The following NLGN1 variants were observed in gnomAD, a reference collection of about 807,000 sequenced individuals.
The protein encoded by NLGN1 is neuroligin 1.
In NLGN1, 12 loss-of-function variants were observed where a neutral mutation model predicts 65.5. The ratio of observed to expected loss-of-function variants is 0.18; its 90% CI spans 0.12 to 0.30. NLGN1 has a LOEUF of 0.30. Ranked by LOEUF, NLGN1 falls within the 10% of genes least tolerant of loss-of-function variation. NLGN1 has a pLI of 1.00. For synonymous variants in NLGN1, 350 were observed against 359.5 expected, an observed-to-expected ratio of 0.97 and a Z score of 0.30; for missense variants, 750 against 1,007.1, an observed-to-expected ratio of 0.74 and a Z score of 3.46.
chr3:174,009,396 T>A (rs577996559), intron 4 of NLGN1, among the ~76,000 whole-genome samples: 2 of 152,170 alleles, frequency 1.3e-5, no homozygotes, highest in East Asian at 3.9e-4. Flanking sequence ...AGCAATTGAG[T>A]GTTTATTATA....
exon 3 of NLGN1, chr3:173,604,870 G>C (rs935435410): frequency 1.2e-6 from 2 of 1,613,498 alleles, no homozygotes; most frequent in Admixed American, 1.7e-5. Flanking sequence ...CCACCAACAG[G>C]GGAACGTCGT....
intron 4 of NLGN1, among the ~76,000 whole-genome samples, chr3:174,025,986 A>G (rs970976841): frequency 6.6e-6 from 1 of 152,138 alleles, no homozygotes; most frequent in Admixed American, 6.6e-5. Context: ...TTTTTTTGTC[A>G]GATATAGTTA....
At chr3:174,046,239 A>G (rs1733565359) in intron 4 of NLGN1, among the ~76,000 whole-genome samples, 1 of 152,190 alleles carries the variant, frequency 6.6e-6, no homozygotes, top group African/African-American at 2.4e-5. Flanking sequence ...TGACAATAGT[A>G]TTTCCTCAAA....
intron 4 of NLGN1, among the ~76,000 whole-genome samples, chr3:174,089,013 A>C (rs542163942): frequency 6.6e-6 from 1 of 152,100 alleles, no homozygotes; most frequent in East Asian, 1.9e-4. Context: ...TAAAATCCTA[A>C]ATGCTCTCAC....
intron 4 of NLGN1, among the ~76,000 whole-genome samples, chr3:174,140,943 T>C (rs1028191416): frequency 2.0e-5 from 3 of 152,164 alleles, no homozygotes; most frequent in Non-Finnish European, 4.4e-5. Flanking sequence ...GAAATTTATT[T>C]TTAATCTCTA....
At chr3:174,013,113 TA>T (rs1263977757) in intron 4 of NLGN1, among the ~76,000 whole-genome samples, 1 of 152,170 alleles carries the variant, frequency 6.6e-6, no homozygotes, top group Non-Finnish European at 1.5e-5. Flanking sequence ...GTAATGTACA[TA>T]ATGGGTGAAG....
chr3:173,812,779 G>GTA lies in NLGN1; in HGVS notation c.646+4957_646+4958dup, dbSNP rs535720603. ...TGCGTGTATATATATATATGTGTGT[G>GTA]TATATATATATGTATTTTTATATAT... On this transcript the variant is annotated intron_variant, in intron 4 of 6. Coordinates refer to ENST00000457714, the Ensembl canonical transcript of NLGN1. Among the ~76,000 whole-genome samples, 378 of 145,748 alleles carry GTA rather than the reference G, an allele frequency of 2.6e-3. 1 individual carries two copies. Among genetic ancestry groups the GTA allele is most frequent in the African/African-American group, 8.0e-3 (320 of 39,834 alleles).
At chr3:174,092,431 A>G (rs1347613577) in intron 4 of NLGN1, among the ~76,000 whole-genome samples, 1 of 152,142 alleles carries the variant, frequency 6.6e-6, no homozygotes, top group Non-Finnish European at 1.5e-5. Flanking sequence ...TTGGCAAAAA[A>G]GTTTTCATTT....
intron 3 of NLGN1, among the ~76,000 whole-genome samples, chr3:173,670,974 G>A (rs1269988408): frequency 3.3e-5 from 5 of 151,988 alleles, no homozygotes; most frequent in East Asian, 1.9e-4. Flanking sequence ...ACTTTTAACC[G>A]TGTAATGGCA....
At chr3:174,016,496 T>C (rs1467992156) in intron 4 of NLGN1, among the ~76,000 whole-genome samples, 1 of 152,150 alleles carries the variant, frequency 6.6e-6, no homozygotes, top group Non-Finnish European at 1.5e-5. Flanking sequence ...TATCAGCAGA[T>C]TGAGACCAGC....
chr3:173,562,555 G>A (rs1230974088), intron 2 of NLGN1, among the ~76,000 whole-genome samples: 1 of 150,284 alleles, frequency 6.7e-6, no homozygotes, highest in Non-Finnish European at 1.5e-5. Flanking sequence ...GACAGAGCAA[G>A]ATTGTCTAAA....
At chr3:173,685,756 T>C in intron 3 of NLGN1, 1 of 985,444 alleles carries the variant, frequency 1.0e-6, no homozygotes. Context: ...CTCTGAAGCA[T>C]GTGCTGGGGC....
chr3:173,756,045 A>G (rs947987079), intron 3 of NLGN1, among the ~76,000 whole-genome samples: 1 of 152,098 alleles, frequency 6.6e-6, no homozygotes, highest in Non-Finnish European at 1.5e-5. Flanking sequence ...ATTCAAAAAT[A>G]TCTTCAACAA....
chr3:174,124,600 C>T (rs1399552212), intron 4 of NLGN1, among the ~76,000 whole-genome samples: 10 of 144,460 alleles, frequency 6.9e-5, no homozygotes, highest in Non-Finnish European at 1.5e-5. Flanking sequence ...TATACGTATA[C>T]ATATATACGT....
intron 2 of NLGN1, among the ~76,000 whole-genome samples, chr3:173,481,859 A>T (rs1272633453): frequency 6.6e-6 from 1 of 151,982 alleles, no homozygotes; most frequent in Non-Finnish European, 1.5e-5. Flanking sequence ...GAATATTTTC[A>T]TTTAAAAAAA....
At chr3:173,778,614 A>G (rs1443976410) in intron 3 of NLGN1, among the ~76,000 whole-genome samples, 1 of 151,928 alleles carries the variant, frequency 6.6e-6, no homozygotes, top group Non-Finnish European at 1.5e-5. Context: ...ATTGTTACAC[A>G]AAGATGATAT....
intron 3 of NLGN1, among the ~76,000 whole-genome samples, chr3:173,620,227 A>G (rs1231089161): frequency 6.6e-6 from 1 of 152,184 alleles, no homozygotes; most frequent in Non-Finnish European, 1.5e-5. Flanking sequence ...GTGACAATGA[A>G]GGCCTTACCC....
At chr3:173,859,297 T>G (rs985666857) in intron 4 of NLGN1, among the ~76,000 whole-genome samples, 1 of 152,158 alleles carries the variant, frequency 6.6e-6, no homozygotes, top group African/African-American at 2.4e-5. Flanking sequence ...ATCTGTTTTA[T>G]TTTTAGTTAC....
At chr3:173,724,815 A>G (rs1771486611) in intron 3 of NLGN1, among the ~76,000 whole-genome samples, 1 of 152,234 alleles carries the variant, frequency 6.6e-6, no homozygotes, top group Non-Finnish European at 1.5e-5. Flanking sequence ...TGGATTAAGA[A>G]AATGTGGCAC....
Sources: gnomAD v4.1 joint callset for allele counts (sites outside exome capture counted in the v4.1 genomes callset) on GRCh38, gnomAD v4.1.1 for gene constraint, MANE v1.5 for transcripts, NCBI Gene and HGNC (gene_info 2026-07-23, HGNC 2026-07-21) for gene names.